FAM50B: variants seen among roughly 807,000 people sequenced by gnomAD.
The protein encoded by FAM50B is family with sequence similarity 50 member B.
In FAM50B, 9 loss-of-function variants were observed where a neutral mutation model predicts 25.4. The ratio of observed to expected loss-of-function variants is 0.35; its 90% CI spans 0.21 to 0.62. FAM50B has a LOEUF of 0.62. Among genes scored for constraint, FAM50B ranks in the 20% least tolerant of loss-of-function variants. The pLI, the probability that FAM50B is intolerant of heterozygous loss-of-function variation, is 0.73. For missense variants in FAM50B, 372 were observed against 477.9 expected (o/e 0.78, Z 2.07); for synonymous variants, 212 against 204.3 (o/e 1.04, Z -0.32).
chr6:3,836,269 A>G, the FAM50B span, among the ~76,000 whole-genome samples: 1 of 152,214 alleles, frequency 6.6e-6, no homozygotes. Context: ...TCTTGTATAG[A>G]GAATTACTAT....
At chr6:3,832,817 AC>A in the FAM50B span, among the ~76,000 whole-genome samples, 1 of 151,798 alleles carries the variant, frequency 6.6e-6, no homozygotes, top group South Asian at 2.1e-4. Context: ...TTCATGGCTC[AC>A]CCTTATGTTG....
upstream of FAM50B, among the ~76,000 whole-genome samples, chr6:3,848,492 T>C (rs567669101): frequency 7.2e-4 from 109 of 152,310 alleles, 1 homozygote; most frequent in African/African-American, 2.6e-3. Context: ...GGGTGCCATA[T>C]GTAATTATCA....
the FAM50B span, among the ~76,000 whole-genome samples, chr6:3,839,438 C>A: frequency 2.6e-5 from 4 of 152,074 alleles, no homozygotes; most frequent in Non-Finnish European, 5.9e-5. Context: ...GGTCAAATAT[C>A]CAAACTACAG....
chr6:3,845,356 G>A (rs1427359851), upstream of FAM50B, among the ~76,000 whole-genome samples: 1 of 152,130 alleles, frequency 6.6e-6, no homozygotes, highest in Admixed American at 6.5e-5. Context: ...ATAATGGGAG[G>A]GTGGATGATA....
upstream of FAM50B, among the ~76,000 whole-genome samples, chr6:3,845,165 T>C (rs9392016): frequency 0.13 from 19,604 of 152,190 alleles, 2,890 homozygotes; most frequent in African/African-American, 0.36. Context: ...GAGGAAGTTA[T>C]CATCTTGGAA....
chr6:3,846,840 C>G (rs1381692558), upstream of FAM50B, among the ~76,000 whole-genome samples: 2 of 152,206 alleles, frequency 1.3e-5, no homozygotes, highest in Non-Finnish European at 2.9e-5. Flanking sequence ...CAAAATTACT[C>G]CTTGATCTAT....
the FAM50B span, among the ~76,000 whole-genome samples, chr6:3,844,009 T>C: frequency 6.6e-6 from 1 of 152,240 alleles, no homozygotes; most frequent in Non-Finnish European, 1.5e-5. Context: ...GAGGACAGTA[T>C]ATCTGCCACT....
At chr6:3,845,839 C>T (rs370217395), upstream of FAM50B, among the ~76,000 whole-genome samples, 1 of 152,128 alleles carries the variant, frequency 6.6e-6, no homozygotes, top group African/African-American at 2.4e-5. Flanking sequence ...CTCAGCCTCC[C>T]GAGCAGCTGG....
At chr6:3,848,982 G>C (rs1762157369), upstream of FAM50B, among the ~76,000 whole-genome samples, 1 of 152,236 alleles carries the variant, frequency 6.6e-6, no homozygotes, top group African/African-American at 2.4e-5. Context: ...GCGGGAGGAG[G>C]AGGGTTGGAG....
chr6:3,840,422 G>GT, the FAM50B span, among the ~76,000 whole-genome samples: 1 of 151,656 alleles, frequency 6.6e-6, no homozygotes, highest in Non-Finnish European at 1.5e-5. Context: ...GCAGTGAGCC[G>GT]AGATCACGCC....
chr6:3,850,173 C>T lies in FAM50B; in HGVS notation c.362C>T (p.Ser121Phe). 1 of 1,613,390 alleles carries T rather than the reference C, an allele frequency of 6.2e-7. No homozygotes were observed. Among genetic ancestry groups the T allele is most frequent in the Non-Finnish European group, 8.5e-7 (1 of 1,179,838 alleles). ...RERKRKISCL[S>F]FALDDLDDQA... The stretch of plus-strand genomic sequence containing the variant: ...CGCAAGCGTAAGATCTCCTGCCTGT[C>T]CTTTGCACTAGACGACCTCGATGAC... Residue 121 changes from serine (S) to phenylalanine (F), a missense_variant, in exon 2 of 2, where the codon TCC becomes TTC. Transcript: ENST00000648326.
chr6:3,850,748 T>C lies in FAM50B; in HGVS notation c.937T>C (p.Tyr313His). The C allele has an allele frequency of 6.2e-7, 1 of 1,613,902 alleles. No homozygotes were observed. The highest frequency in any genetic ancestry group is 8.5e-7 in the Non-Finnish European group (1 of 1,180,002). ...HIFPASRWEAYDPEKKWDKYT... is the reference protein window; with the variant it reads ...HIFPASRWEAHDPEKKWDKYT... ...CTTCCCCGCCAGCCGCTGGGAGGCC[T>C]ATGACCCCGAGAAGAAGTGGGACAA... Residue 313 changes from tyrosine to histidine, a missense_variant, in exon 2 of 2, where the codon TAT becomes CAT. Coordinates refer to ENST00000648326, the MANE Select transcript of FAM50B (RefSeq NM_012135.3).
At chr6:3,847,184 G>C (rs1056395077), upstream of FAM50B, among the ~76,000 whole-genome samples, 3 of 152,240 alleles carry the variant, frequency 2.0e-5, no homozygotes, top group African/African-American at 4.8e-5. Flanking sequence ...CCTAGCAAGA[G>C]AGTCAACCTG....
At chr6:3,838,058 T>C in the FAM50B span, among the ~76,000 whole-genome samples, 2 of 152,210 alleles carry the variant, frequency 1.3e-5, no homozygotes, top group East Asian at 3.8e-4. Context: ...TGACAACTGA[T>C]ACAGTCCCTG....
At chr6:3,843,076 C>T in the FAM50B span, among the ~76,000 whole-genome samples, 1 of 152,208 alleles carries the variant, frequency 6.6e-6, no homozygotes, top group Non-Finnish European at 1.5e-5. Context: ...TAATTTCTTG[C>T]ATTTTTCCTA....
the FAM50B span, among the ~76,000 whole-genome samples, chr6:3,835,380 C>A: frequency 6.6e-6 from 1 of 152,214 alleles, no homozygotes; most frequent in Non-Finnish European, 1.5e-5. Context: ...CCCACTATTG[C>A]CCAACCCAGG....
At chr6:3,842,506 T>C in the FAM50B span, among the ~76,000 whole-genome samples, 1 of 152,236 alleles carries the variant, frequency 6.6e-6, no homozygotes, top group East Asian at 1.9e-4. Flanking sequence ...TACTCTTTTC[T>C]ATGTAGGCAT....
chr6:3,840,327 G>C, the FAM50B span, among the ~76,000 whole-genome samples: 1 of 152,038 alleles, frequency 6.6e-6, no homozygotes, highest in South Asian at 2.1e-4. Flanking sequence ...CAAAAAATTA[G>C]CTGGGCATGG....
At position 3,849,860 on chromosome 6, in the gene FAM50B, C is replaced by T. The variant is rs779313899; in HGVS notation, c.49C>T (p.Leu17Phe). ...TMREAGRAMH[L>F]LKKRERQREQ... ...GCGCGAGGCAGGCCGTGCCATGCAC[C>T]TCCTCAAGAAGCGCGAAAGGCAGCG... Residue 17 changes from leucine (L) to phenylalanine (F), a missense_variant, in exon 2 of 2, where the codon CTC becomes TTC. Around this residue, in one of 4 missense-constraint regions of FAM50B, gnomAD observed 64 missense variants for 118.3 expected, o/e 0.54. Transcript: ENST00000648326. The T allele has an allele frequency of 1.2e-5, 20 of 1,613,266 alleles. No homozygotes were observed. The South Asian group carries it at 2.0e-4, about 16-fold the overall frequency.
Sources: allele counts gnomAD v4.1 joint callset (sites outside exome capture counted in the v4.1 genomes callset), GRCh38; gene constraint gnomAD v4.1.1; regional missense constraint gnomAD v4.1.1; transcripts MANE v1.5; gene names NCBI Gene and HGNC (gene_info 2026-07-23, HGNC 2026-07-21).